Variants in PCDHGA6 observed in about 807,000 individuals in gnomAD.
The protein encoded by PCDHGA6 is protocadherin gamma subfamily A, 6, also known as protocadherin gamma-A6.
PCDHGA6 carries 41 observed loss-of-function variants against 60.6 expected under a neutral mutation model. The ratio of observed to expected loss-of-function variants is 0.68; its 90% CI spans 0.53 to 0.88. The LOEUF is 0.88. Among genes scored for constraint, PCDHGA6 ranks in the 40% least tolerant of loss-of-function variants. PCDHGA6 has a pLI of 0.00. For missense variants in PCDHGA6, 1,312 were observed against 1,203.0 expected, an observed-to-expected ratio of 1.09 and a Z score of -1.34; for synonymous variants, 594 against 524.4, an observed-to-expected ratio of 1.13 and a Z score of -1.81.
At chr5:141,430,767 C>T in intron 1 of PCDHGA6, 1 of 1,506,782 alleles carries the variant, frequency 6.6e-7, no homozygotes, top group Non-Finnish European at 8.9e-7. Flanking sequence ...AGAATGATTC[C>T]TGCGCGACTG....
At chr5:141,450,957 T>G (rs2154563418) in intron 1 of PCDHGA6, among the ~76,000 whole-genome samples, 1 of 152,010 alleles carries the variant, frequency 6.6e-6, no homozygotes, top group Non-Finnish European at 1.5e-5. Context: ...CCCAAGTAGC[T>G]GGGATTACAG....
intron 1 of PCDHGA6, among the ~76,000 whole-genome samples, chr5:141,469,923 G>A (rs1251812588): frequency 1.3e-5 from 2 of 152,200 alleles, no homozygotes; most frequent in Non-Finnish European, 2.9e-5. Flanking sequence ...CCGAGGTCAG[G>A]AGTTTGAGAC....
intron 1 of PCDHGA6, among the ~76,000 whole-genome samples, chr5:141,445,011 T>C (rs970882082): frequency 1.3e-5 from 2 of 152,196 alleles, no homozygotes; most frequent in Non-Finnish European, 2.9e-5. Flanking sequence ...AATTAGGTCT[T>C]TAATTTCTCT....
intron 1 of PCDHGA6, chr5:141,423,577 G>A (rs1348410879): frequency 6.2e-7 from 1 of 1,613,478 alleles, no homozygotes; most frequent in Non-Finnish European, 8.5e-7. Context: ...CATCAGCCAG[G>A]AGAGCTGTGA....
intron 1 of PCDHGA6, chr5:141,384,729 G>A: frequency 6.2e-7 from 1 of 1,614,122 alleles, no homozygotes; most frequent in Non-Finnish European, 8.5e-7. Context: ...TCCTGCTTAA[G>A]GCCAGCGAGC....
At position 141,477,910 on chromosome 5, in the gene PCDHGA6, G is replaced by C. The variant is rs766164142; in HGVS notation, c.2425-16897G>C. ...TGTCACGGGTGGTAGGCTGGGACGC[G>C]GATGCAGGGCACAATGCCTGGCTCT... On this transcript the variant is annotated intron_variant, in intron 1 of 3. Coordinates refer to ENST00000517434, the MANE Select transcript of PCDHGA6 (RefSeq NM_018919.3). This position sits in a 1 kb window ranked among gnomAD's most constrained non-coding sequence, Gnocchi z 4.9. 3 of 1,614,168 alleles carry C rather than the reference G, an allele frequency of 1.9e-6. No homozygotes were observed. Among genetic ancestry groups the C allele is most frequent in the Non-Finnish European group, 2.5e-6 (3 of 1,180,032 alleles).
intron 1 of PCDHGA6, among the ~76,000 whole-genome samples, chr5:141,450,829 A>ATTTT (rs373424450): frequency 2.2e-4 from 30 of 135,142 alleles, no homozygotes; most frequent in African/African-American, 6.3e-4. Flanking sequence ...TATTATTATT[A>ATTTT]TTTTTTTTTT....
chr5:141,390,321 C>A (rs776100029), intron 1 of PCDHGA6: 1 of 1,606,964 alleles, frequency 6.2e-7, no homozygotes, highest in Non-Finnish European at 8.5e-7. Context: ...TCATTGCCTA[C>A]CCATTTCTCC....
In PCDHGA6 at chr5:141,485,513, T is replaced by C. The variant is rs751762068; in HGVS notation, c.2425-9294T>C. The C allele has an allele frequency of 4.3e-6, 7 of 1,613,938 alleles. No homozygotes were observed. The highest frequency in any genetic ancestry group is 2.2e-5 in the East Asian group (1 of 44,890). On this transcript the variant is annotated intron_variant, in intron 1 of 3. Coordinates refer to ENST00000517434, the MANE Select transcript of PCDHGA6 (RefSeq NM_018919.3). The surrounding 1 kb of genome is among the most constrained non-coding windows in gnomAD (Gnocchi z 5.7). ...CCTGGAGTTTGTCACCGAAGGTCCTTTGGAAATGTACCGAGCAGAGGTAGA... is the reference window on the plus strand; with the variant it reads ...CCTGGAGTTTGTCACCGAAGGTCCTCTGGAAATGTACCGAGCAGAGGTAGA...
At chr5:141,509,411 AGCC>A (rs2099876675) in intron 3 of PCDHGA6, among the ~76,000 whole-genome samples, 2 of 152,098 alleles carry the variant, frequency 1.3e-5, no homozygotes, top group Admixed American at 1.3e-4. Flanking sequence ...TCCAGCAGCG[AGCC>A]CCAATGAGTC....
At chr5:141,460,909 G>A (rs1473458228) in intron 1 of PCDHGA6, among the ~76,000 whole-genome samples, 4 of 123,246 alleles carry the variant, frequency 3.2e-5, no homozygotes, top group Non-Finnish European at 6.6e-5. Context: ...AATATTCCAT[G>A]GTGTATATAT....
intron 1 of PCDHGA6, chr5:141,419,090 G>T: frequency 6.2e-7 from 1 of 1,613,922 alleles, no homozygotes; most frequent in Non-Finnish European, 8.5e-7. Flanking sequence ...TGAGGCCCTG[G>T]ATCGGGAGCA....
chr5:141,375,376 T>C lies in PCDHGA6; in HGVS notation c.1293T>C (p.Pro431=), dbSNP rs369693089. Residue 431 remains proline (P), a synonymous_variant, in exon 1 of 4, where the codon CCT becomes CCC. Coordinates refer to ENST00000517434, the MANE Select transcript of PCDHGA6 (RefSeq NM_018919.3). The part of the protein sequence containing the change: ...TVTATDKGTP[P]LSTETIISLN... ...CAGCCACGGACAAAGGAACACCACC[T>C]CTGTCTACAGAAACAATCATCTCTC... 6.2e-7 allele frequency: 1 copy of C among 1,613,930 alleles called. No individual in the cohort carries two copies. Among genetic ancestry groups the C allele is most frequent in the Non-Finnish European group, 8.5e-7 (1 of 1,180,006 alleles).
chr5:141,430,395 A>C (rs1461176471), intron 1 of PCDHGA6, among the ~76,000 whole-genome samples: 1 of 152,096 alleles, frequency 6.6e-6, no homozygotes, highest in Non-Finnish European at 1.5e-5. Context: ...AAAAAAAAAA[A>C]AGCTCACTAA....
In PCDHGA6 at chr5:141,418,939, C is replaced by T. The variant is rs766248741; in HGVS notation, c.2424+42432C>T. The T allele has an allele frequency of 8.7e-6, 14 of 1,613,642 alleles. No individual in the cohort carries two copies. In the African/African-American group the frequency reaches 1.7e-4, roughly 20 times the overall value. On this transcript the variant is annotated intron_variant, in intron 1 of 3. Transcript: ENST00000517434. ...TCTCTGATCAGATTATGGAGGATTC[C>T]CCTCCAGGAGTGGTTGTTGCCCTCT...
intron 1 of PCDHGA6, chr5:141,430,844 A>C: frequency 6.4e-7 from 1 of 1,571,464 alleles, no homozygotes; most frequent in Non-Finnish European, 8.6e-7. Flanking sequence ...GACCGGATGC[A>C]CCCAGATACG....
chr5:141,415,071 G>C (rs757356726), intron 1 of PCDHGA6: 5 of 1,613,422 alleles, frequency 3.1e-6, no homozygotes, highest in Non-Finnish European at 1.7e-6. Context: ...AGGTGCGCAC[G>C]GCGCGAGCCC....
chr5:141,402,879 C>T, intron 1 of PCDHGA6: 1 of 1,471,232 alleles, frequency 6.8e-7, no homozygotes, highest in Non-Finnish European at 9.0e-7. Flanking sequence ...CCATACTTTG[C>T]AGGGTGGAAG....
At chr5:141,459,531 A>G (rs1479666418) in intron 1 of PCDHGA6, among the ~76,000 whole-genome samples, 2 of 152,184 alleles carry the variant, frequency 1.3e-5, no homozygotes, top group Admixed American at 1.3e-4. Context: ...TTTTGTAGGC[A>G]TATTTTTTTT....
Sources: gnomAD v4.1 joint callset for allele counts (sites outside exome capture counted in the v4.1 genomes callset) on GRCh38, gnomAD v4.1.1 for gene constraint, Gnocchi (gnomAD v3.1) non-coding constraint, MANE v1.5 for transcripts, NCBI Gene and HGNC (gene_info 2026-07-23, HGNC 2026-07-21) for gene names.